TBC1D31: variants seen among roughly 807,000 people sequenced by gnomAD.
TBC1D31 encodes WD repeat domain 67.
TBC1D31 carries 99 observed loss-of-function variants against 132.9 expected under a neutral mutation model. That is an observed-to-expected ratio of 0.74 (90% CI 0.63 to 0.88). The LOEUF (loss-of-function observed/expected upper bound fraction) is 0.88. TBC1D31 is among the 40% of genes least tolerant of loss of function. TBC1D31 has a pLI of 0.00. For synonymous variants in TBC1D31, 385 were observed against 419.4 expected, an observed-to-expected ratio of 0.92 and a Z score of 1.00; for missense variants, 1,134 against 1,256.6, an observed-to-expected ratio of 0.90 and a Z score of 1.48.
chr8:123,140,630 G>A lies in TBC1D31; in HGVS notation c.2500-131G>A, dbSNP rs147110535. 506 of 773,634 alleles carry A rather than the reference G, an allele frequency of 6.5e-4. 1 individual carries two copies. The highest frequency in any genetic ancestry group is 4.2e-3 in the African/African-American group (235 of 56,290). 47.9% of individuals were successfully genotyped at this position (773,634 alleles called of 1,614,324 possible). ...GCCATTTTTGCTGATGTCTCCAGTC[G>A]TTGAATTTTACTTTGAAAATTAGAT... On this transcript the variant is annotated intron_variant, in intron 17 of 21. Coordinates refer to ENST00000287380, the MANE Select transcript of TBC1D31 (RefSeq NM_145647.4).
chr8:123,140,550 T>TA (rs963951146), intron 17 of TBC1D31, among the ~76,000 whole-genome samples: 8 of 152,304 alleles, frequency 5.3e-5, no homozygotes, highest in Non-Finnish European at 8.8e-5. Flanking sequence ...CATTTTTTTT[T>TA]ATCAGTGTTC....
Position 123,077,198 on chromosome 8 carries a change from C to T in TBC1D31, c.165C>T (p.Asp55=), listed in dbSNP as rs376139663. ...FLNVAFDGTG[D]CLIAGDHQGN... is the part of the protein sequence containing the mutation. ...ATGTGGCTTTTGATGGCACAGGCGA[C>T]TGCTTAATTGCTGGGGACCACCAAG... The change falls in exon 2 of 22, where the codon GAC becomes GAT. Residue 55 remains aspartate, a synonymous_variant. Coordinates refer to ENST00000287380, the MANE Select transcript of TBC1D31 (RefSeq NM_145647.4). 1.6e-5 allele frequency: 26 copies of T among 1,613,100 alleles called. No homozygotes were observed. The highest frequency in any genetic ancestry group is 2.0e-5 in the Non-Finnish European group (24 of 1,179,720).
Position 123,105,309 on chromosome 8 carries a change from G to A in TBC1D31, c.1054G>A (p.Val352Ile), listed in dbSNP as rs954537273. The A allele has an allele frequency of 3.2e-6, 5 of 1,573,098 alleles. No individual in the cohort carries two copies. In the African/African-American group the frequency reaches 5.4e-5, roughly 17 times the overall value. ...INKPPPPLVK[V>I]IEDLPKNKLS... is the part of the protein sequence containing the mutation. ...TTAGCCACCTCCGCCTTTAGTGAAA[G>A]TTATTGAAGATTTGCCCAAGAATAA... The change falls in exon 8 of 22, where the codon GTT becomes ATT. Residue 352 changes from valine to isoleucine, a missense_variant. By Grantham distance (29) the Val-to-Ile change is conservative. Transcript: ENST00000287380.
At chr8:123,092,160 G>C (rs368338997) in intron 4 of TBC1D31, among the ~76,000 whole-genome samples, 2 of 151,804 alleles carry the variant, frequency 1.3e-5, no homozygotes, top group African/African-American at 2.4e-5. Flanking sequence ...GATTACAGGC[G>C]TCTGCCACCA....
intron 21 of TBC1D31, among the ~76,000 whole-genome samples, chr8:123,150,587 C>A (rs1175526068): frequency 6.6e-6 from 1 of 152,186 alleles, no homozygotes; most frequent in Non-Finnish European, 1.5e-5. Flanking sequence ...CTGGGCACTC[C>A]GATGGAATTC....
chr8:123,098,445 G>A (rs1442908226), intron 6 of TBC1D31, among the ~76,000 whole-genome samples: 2 of 152,246 alleles, frequency 1.3e-5, no homozygotes, highest in East Asian at 3.9e-4. Flanking sequence ...GGCACTACAG[G>A]CATGAACCAC....
chr8:123,084,048 C>A, intron 3 of TBC1D31, 114 bp from the exon 4 acceptor site: 1 of 826,142 alleles, frequency 1.2e-6, no homozygotes, highest in East Asian at 2.5e-5. Flanking sequence ...AATGGAGGTG[C>A]CTCATATAAT....
intron 4 of TBC1D31, among the ~76,000 whole-genome samples, chr8:123,089,565 T>C (rs1046526353): frequency 2.0e-5 from 3 of 152,070 alleles, no homozygotes; most frequent in Non-Finnish European, 4.4e-5. Context: ...AAAAATAGCC[T>C]GGTATGCTGG....
chr8:123,160,382 A>G, the TBC1D31 span, among the ~76,000 whole-genome samples: 1 of 152,142 alleles, frequency 6.6e-6, no homozygotes, highest in Non-Finnish European at 1.5e-5. Flanking sequence ...CCTTAATTTA[A>G]AAGGCGAACT....
At chr8:123,130,397 A>G in intron 16 of TBC1D31, 64 bp downstream of exon 16, 1 of 1,427,714 alleles carries the variant, frequency 7.0e-7, no homozygotes, top group Non-Finnish European at 9.5e-7. Flanking sequence ...AATGTAATGA[A>G]CACCTTCAAA....
chr8:123,076,001 A>G (rs1403844138), intron 1 of TBC1D31, among the ~76,000 whole-genome samples: 1 of 152,246 alleles, frequency 6.6e-6, no homozygotes, highest in African/African-American at 2.4e-5. Context: ...TGTCTAAAAG[A>G]TAGAAAAGTA....
intron 10 of TBC1D31, among the ~76,000 whole-genome samples, chr8:123,114,035 G>A (rs982050313): frequency 1.3e-5 from 2 of 151,990 alleles, no homozygotes; most frequent in East Asian, 3.8e-4. Context: ...ACGTTACAGT[G>A]GTGTTGTGAC....
At chr8:123,115,922 G>A (rs1376095448) in intron 10 of TBC1D31, among the ~76,000 whole-genome samples, 1 of 152,084 alleles carries the variant, frequency 6.6e-6, no homozygotes, top group Non-Finnish European at 1.5e-5. Flanking sequence ...TATCTTCATG[G>A]ATTACAGGGA....
At chr8:123,097,910 A>T (rs1335067535) in intron 6 of TBC1D31, 1 of 152,370 alleles carries the variant, frequency 6.6e-6, no homozygotes, top group Non-Finnish European at 1.5e-5. Context: ...CCTGTGAAAC[A>T]TGTTTTTATT....
At chr8:123,109,244 G>A in intron 8 of TBC1D31, 73 bp from the exon 9 acceptor site, 1 of 1,081,256 alleles carries the variant, frequency 9.2e-7, no homozygotes, top group Non-Finnish European at 1.4e-6. Flanking sequence ...AGTCACTGTG[G>A]ACTAGATTAC....
At chr8:123,147,838 C>T (rs1822373212) in intron 20 of TBC1D31, among the ~76,000 whole-genome samples, 1 of 152,016 alleles carries the variant, frequency 6.6e-6, no homozygotes, top group African/African-American at 2.4e-5. Flanking sequence ...AAGAAAATGA[C>T]ATTTTTGAGC....
chr8:123,145,603 T>C (rs565059054), intron 20 of TBC1D31, among the ~76,000 whole-genome samples: 1 of 151,790 alleles, frequency 6.6e-6, no homozygotes, highest in South Asian at 2.1e-4. Context: ...GGCGAGAGGA[T>C]CTCTTTGAGC....
rs141908193 is a variant in TBC1D31 at position 123,076,402 on chromosome 8, G to A, written c.78-709G>A. 7.2e-3 allele frequency among the ~76,000 whole-genome samples: 1,083 copies of A among 151,018 alleles called. 6 individuals carry two copies. The highest frequency in any genetic ancestry group is 0.025 in the African/African-American group (1,023 of 41,078). On this transcript the variant is annotated intron_variant, in intron 1 of 21. Transcript: ENST00000287380. ...TAAAACTTCAGGTTAGAATATTTTC[G>A]TTTTCATTTAAGTTTAATCATTACA...
intron 2 of TBC1D31, among the ~76,000 whole-genome samples, chr8:123,080,589 G>A (rs1293956849): frequency 7.5e-6 from 1 of 134,006 alleles, no homozygotes; most frequent in Admixed American, 8.8e-5. Context: ...CCAGGCCGGG[G>A]TACAGTGGTG....
Sources: gnomAD v4.1 joint callset for allele counts (sites outside exome capture counted in the v4.1 genomes callset) on GRCh38, gnomAD v4.1.1 for gene constraint, MANE v1.5 for transcripts, NCBI Gene and HGNC (gene_info 2026-07-23, HGNC 2026-07-21) for gene names.